KCP: variants seen among roughly 807,000 people sequenced by gnomAD.
KCP encodes kielin cysteine rich BMP regulator.
In KCP, 194 loss-of-function variants were observed where a neutral mutation model predicts 212.7. The ratio of observed to expected loss-of-function variants is 0.91; its 90% CI spans 0.81 to 1.03. KCP has a LOEUF of 1.03. Ranked by LOEUF, KCP falls within the 50% of genes least tolerant of loss-of-function variation. KCP has a pLI of 0.00. For synonymous variants in KCP, 833 were observed against 865.3 expected, an observed-to-expected ratio of 0.96 and a Z score of 0.65; for missense variants, 2,080 against 2,162.5, an observed-to-expected ratio of 0.96 and a Z score of 0.76.
Position 128,892,900 on chromosome 7 carries a change from TG to T in KCP, c.1388del (p.Pro463GlnfsTer51). The T allele has an allele frequency of 1.9e-6, 3 of 1,543,086 alleles. No individual in the cohort carries two copies. The highest frequency in any genetic ancestry group is 1.8e-6 in the Non-Finnish European group (2 of 1,140,192). On this transcript the variant is annotated frameshift_variant, in exon 14 of 40. Transcript: ENST00000610776. LOFTEE classifies it high-confidence loss of function. ...VPKCGAVLCP[P>X]APCQHPTQPP... ...GCTGGGTGGGGTGCTGGCAGGGGGC[TG>T]GGGGGCAGAGCACAGCCCCGCACTT...
chr7:128,878,187 G>T lies in KCP; in HGVS notation c.4311+371C>A, dbSNP rs111573853. Among the ~76,000 whole-genome samples, 1,004 of 151,942 alleles carry T rather than the reference G, an allele frequency of 6.6e-3. 5 individuals carry two copies. The highest frequency in any genetic ancestry group is 8.9e-3 in the Non-Finnish European group (604 of 67,992). On this transcript the variant is annotated intron_variant, in intron 38 of 39. Transcript: ENST00000610776. ...TTCTCCTGCCTCAGCCACCCGAGTAGCTGGGATTACAGGCATATGCACCAC... is the reference window on the plus strand; with the variant it reads ...TTCTCCTGCCTCAGCCACCCGAGTATCTGGGATTACAGGCATATGCACCAC...
chr7:128,887,097 G>A (rs1338045379), intron 23 of KCP, 118 bp downstream of exon 23: 1 of 1,088,424 alleles, frequency 9.2e-7, no homozygotes, highest in East Asian at 2.6e-5. Flanking sequence ...CCTGTCCCAT[G>A]AGATGTGAAG....
At chr7:128,908,301 A>G (rs1795259874) in intron 2 of KCP, 125 bp downstream of exon 2, 1 of 706,856 alleles carries the variant, frequency 1.4e-6, no homozygotes, top group Non-Finnish European at 2.0e-6. Context: ...AAAGAAAGAA[A>G]GAAAGGGAAT....
intron 8 of KCP, among the ~76,000 whole-genome samples, chr7:128,901,519 G>A (rs959991376): frequency 1.3e-5 from 2 of 152,198 alleles, no homozygotes; most frequent in Non-Finnish European, 1.5e-5. Flanking sequence ...CCAGCTACTC[G>A]GGATACGGAG....
chr7:128,895,478 C>T (rs1474935648), intron 8 of KCP, among the ~76,000 whole-genome samples: 2 of 152,232 alleles, frequency 1.3e-5, no homozygotes, highest in African/African-American at 4.8e-5. Flanking sequence ...TCTGAGCAGC[C>T]AATGACTTCT....
chr7:128,883,455 G>A (rs1336137198), intron 29 of KCP, among the ~76,000 whole-genome samples: 1 of 152,034 alleles, frequency 6.6e-6, no homozygotes, highest in Non-Finnish European at 1.5e-5. Flanking sequence ...TCTATGTAAG[G>A]ATAACGTTCA....
Position 128,877,606 on chromosome 7 carries a change from T to C in KCP, c.4496A>G (p.Asp1499Gly). ...GGAGCCAGGGCCACAGGCACACAGG[T>C]CATACACACAGGCGGCAAAGAAGGG... Reference protein sequence around the residue: ...PEPFFAACVYDLCACGPGSSA... With the variant: ...PEPFFAACVYGLCACGPGSSA... The change falls in exon 39 of 40, where the codon GAC (aspartate) becomes GGC (glycine). Residue 1499 changes from aspartate (D) to glycine (G), a missense_variant. Physicochemically the swap from Asp to Gly is moderately conservative, Grantham distance 94 (BLOSUM62 -1). Coordinates refer to ENST00000610776, the MANE Select transcript of KCP (RefSeq NM_001366122.1). The C allele has an allele frequency of 6.4e-7, 1 of 1,551,454 alleles. No individual in the cohort carries two copies.
rs748320181 is a variant in KCP, at chr7:128,880,499, G to A, written c.3646C>T (p.Arg1216Cys). ...APTQSCVHQG[R>C]EVASGERWTV... is the part of the protein sequence containing the mutation. ...CAGCGCTCTCCAGAGGCCACCTCAC[G>A]GCCCTGGTGCACGCAGGACTGGGTG... is the stretch of plus-strand genomic sequence containing the variant. Residue 1216 changes from arginine to cysteine, a missense_variant, in exon 34 of 40, where the codon CGT (arginine) becomes TGT (cysteine). Physicochemically the swap from Arg to Cys is radical, Grantham distance 180. Coordinates refer to ENST00000610776, the MANE Select transcript of KCP (RefSeq NM_001366122.1). 3.3e-5 allele frequency: 50 copies of A among 1,525,946 alleles called. No individual in the cohort carries two copies. Among genetic ancestry groups the A allele is most frequent in the South Asian group, 1.3e-4 (11 of 82,176 alleles). 94.5% of individuals were successfully genotyped at this position (1,525,946 alleles called of 1,614,324 possible). A position where few individuals can be genotyped will look rare whatever the true frequency, so the allele number is the denominator to read the frequency against.
At chr7:128,890,301 C>G in intron 21 of KCP, 42 bp downstream of exon 21, 1 of 1,551,474 alleles carries the variant, frequency 6.4e-7, no homozygotes, top group South Asian at 1.2e-5. Flanking sequence ...CCTCTGGTCT[C>G]CCGCATCCCA....
chr7:128,903,990 G>A (rs1794993857), intron 6 of KCP, 66 bp downstream of exon 6: 1 of 1,441,576 alleles, frequency 6.9e-7, no homozygotes, highest in Non-Finnish European at 9.5e-7. Context: ...GTGGCAGGCA[G>A]GGCCCAGGGC....
At chr7:128,894,351 TG>T in intron 8 of KCP, 58 bp from the exon 9 acceptor site, 1 of 1,323,836 alleles carries the variant, frequency 7.6e-7, no homozygotes, top group Non-Finnish European at 1.0e-6. Flanking sequence ...GAGGTGGAAA[TG>T]GCATTAGAAT....
At position 128,907,434 on chromosome 7, in the gene KCP, C is replaced by G. The variant is rs1189902449; in HGVS notation, c.239G>C (p.Arg80Thr). ...CTCACAGGACTCCAGCTGCCTCACC[C>G]TCGTCTGCAGGTCCTTATTCTGGAG... ...LREQNKDLQT[R>T]VRQLESCECH... Residue 80 changes from arginine (R) to threonine (T), a missense_variant, in exon 3 of 40, where the codon AGG becomes ACG. Arg to Thr is a moderately conservative substitution (Grantham distance 71). Coordinates refer to ENST00000610776, the MANE Select transcript of KCP (RefSeq NM_001366122.1). 4 of 1,501,098 alleles carry G rather than the reference C, an allele frequency of 2.7e-6. No homozygotes were observed. In the African/African-American group the frequency reaches 5.6e-5, roughly 21 times the overall value. The allele number at this position is 1,501,098 out of a possible 1,614,324, so 93.0% of individuals were successfully genotyped here. A position where few individuals can be genotyped will look rare whatever the true frequency, so the allele number is the denominator to read the frequency against.
rs1354690570 is a variant in KCP, at chr7:128,877,562, A to T, written c.4540T>A (p.Cys1514Ser). 6.4e-7 allele frequency: 1 copy of T among 1,551,554 alleles called. No homozygotes were observed. The highest frequency in any genetic ancestry group is 2.0e-5 in the Admixed American group (1 of 51,016). ...GPGSSADACL[C>S]DALEAYASHC... ...CTGGCGTAGGCTTCCAGGGCATCAC[A>T]GAGGCAGGCATCAGCGGAGGAGCCA... is the stretch of plus-strand genomic sequence containing the variant. Residue 1514 changes from cysteine (C) to serine (S), a missense_variant, in exon 39 of 40, where the codon TGT becomes AGT. By Grantham distance (112) the Cys-to-Ser change is moderately radical (BLOSUM62 -1). Transcript: ENST00000610776.
At chr7:128,907,782 C>G (rs763873891) in intron 2 of KCP, among the ~76,000 whole-genome samples, 20 of 152,306 alleles carry the variant, frequency 1.3e-4, no homozygotes, top group Admixed American at 2.6e-4. Flanking sequence ...GAAACACGAA[C>G]TGACAAAACA....
chr7:128,877,081 G>T lies in KCP; in HGVS notation c.4849C>A (p.Arg1617=). ...TGGGGCTCCCGGCTGGGGCTGGGCC[G>T]AGCACCAAGTGGCTGGTCTCCAGTG... ...LLTGDQPLGA[R]PSPSREPQET... Residue 1617 remains arginine, a synonymous_variant, in exon 40 of 40, where the codon CGG becomes AGG. Coordinates refer to ENST00000610776, the MANE Select transcript of KCP (RefSeq NM_001366122.1). The T allele has an allele frequency of 6.6e-7, 1 of 1,521,080 alleles. No homozygotes were observed. Among genetic ancestry groups the T allele is most frequent in the South Asian group, 1.3e-5 (1 of 79,218 alleles). The allele number at this position is 1,521,080 out of a possible 1,614,324, so 94.2% of individuals were successfully genotyped here.
chr7:128,878,761 C>A, intron 37 of KCP, 39 bp from the exon 38 acceptor site: 1 of 1,533,728 alleles, frequency 6.5e-7, no homozygotes, highest in South Asian at 1.2e-5. Flanking sequence ...CAGGGAAGGA[C>A]AGGGGCCTTA....
intron 22 of KCP, 74 bp from the exon 23 acceptor site, chr7:128,887,374 T>A: frequency 1.8e-6 from 2 of 1,107,210 alleles, no homozygotes; most frequent in South Asian, 2.7e-5. Flanking sequence ...ACACAGCCCC[T>A]CCCCCTCCAC....
chr7:128,878,850 G>A, intron 37 of KCP, 128 bp from the exon 38 acceptor site: 1 of 950,646 alleles, frequency 1.1e-6, no homozygotes, highest in Non-Finnish European at 1.5e-6. Context: ...TGGACAGGTG[G>A]AGGCTCCCCT....
chr7:128,910,665 G>A lies in KCP; in HGVS notation c.12C>T (p.Val4=), dbSNP rs1795388668. Residue 4 remains valine, a synonymous_variant, in exon 1 of 40, where the codon GTC becomes GTT. Transcript: ENST00000610776. ...GGAGAAGGGACAGCGCAGCGGCCCC[G>A]ACCCCGGCCATGCTAGCTCCGCCTC... MAG[V]GAAALSLLLH... 1.3e-6 allele frequency: 2 copies of A among 1,506,378 alleles called. No homozygotes were observed. Among genetic ancestry groups the A allele is most frequent in the African/African-American group, 1.4e-5 (1 of 69,328 alleles). 93.3% of individuals were successfully genotyped at this position (1,506,378 alleles called of 1,614,324 possible). A position where few individuals can be genotyped will look rare whatever the true frequency, so the allele number is the denominator to read the frequency against.
Sources: allele counts gnomAD v4.1 joint callset (sites outside exome capture counted in the v4.1 genomes callset), GRCh38; gene constraint gnomAD v4.1.1; transcripts MANE v1.5; gene names NCBI Gene and HGNC (gene_info 2026-07-23, HGNC 2026-07-21).